Variants in ZFPM1 observed in about 807,000 individuals in gnomAD.
The protein encoded by ZFPM1 is zinc finger protein, FOG family member 1.
ZFPM1 carries 28 observed loss-of-function variants against 46.3 expected under a neutral mutation model. The observed-to-expected ratio is 0.60, with a 90% CI of 0.45 to 0.83. The LOEUF (loss-of-function observed/expected upper bound fraction) is 0.83, where lower values mean the gene tolerates loss of function less well. Ranked by LOEUF, ZFPM1 falls within the 40% of genes least tolerant of loss-of-function variation. The pLI is 0.00. For missense variants in ZFPM1, 1,878 were observed against 1,432.4 expected, an observed-to-expected ratio of 1.31 and a Z score of -5.02; for synonymous variants, 957 against 675.9, an observed-to-expected ratio of 1.42 and a Z score of -6.45.
At chr16:88,530,427 A>C (rs932673344) in intron 6 of ZFPM1, 1 of 152,216 alleles carries the variant, frequency 6.6e-6, no homozygotes, top group Non-Finnish European at 1.5e-5. Context: ...TGAGCCACAC[A>C]TCTTGTTGAC....
intron 1 of ZFPM1, among the ~76,000 whole-genome samples, chr16:88,465,478 G>GAGCACGGGGCCCTCCTCAC (rs1908092536): frequency 2.0e-5 from 3 of 152,262 alleles, no homozygotes; most frequent in Non-Finnish European, 2.9e-5. Flanking sequence ...AAATGAGTGG[G>GAGCACGGGGCCCTCCTCAC]AGCACGGGGC....
intron 3 of ZFPM1, chr16:88,513,346 T>C (rs1426604563): frequency 6.6e-6 from 1 of 152,290 alleles, no homozygotes; most frequent in Non-Finnish European, 1.5e-5. Flanking sequence ...TAGCAGGGCC[T>C]CCCGGCGTAT....
chr16:88,520,563 T>TGGACGGATGGGG (rs535763531), intron 4 of ZFPM1, among the ~76,000 whole-genome samples: 150 of 117,196 alleles, frequency 1.3e-3, no homozygotes, highest in African/African-American at 3.9e-3. Flanking sequence ...GATGGATGGA[T>TGGACGGATGGGG]GGATGGATGG....
At position 88,531,987 on chromosome 16, in the gene ZFPM1, CT is replaced by C; in HGVS notation, c.713-13del. The C allele has an allele frequency of 6.3e-7, 1 of 1,584,936 alleles. No individual in the cohort carries two copies. Reference sequence around the variant, plus strand: ...CTGGCCTTCAGCCTGACCCCGCCTGCTTCCCACCCCACAGAAGACGTCTTCC... The same window carrying C: ...CTGGCCTTCAGCCTGACCCCGCCTGCTCCCACCCCACAGAAGACGTCTTCC... On this transcript the variant is annotated splice_polypyrimidine_tract_variant and intron_variant, in intron 6 of 9. Coordinates refer to ENST00000319555, the MANE Select transcript of ZFPM1 (RefSeq NM_153813.3).
intron 1 of ZFPM1, among the ~76,000 whole-genome samples, chr16:88,474,472 C>T (rs997705322): frequency 1.3e-5 from 2 of 152,096 alleles, no homozygotes; most frequent in Non-Finnish European, 2.9e-5. Context: ...TGGCTTCTCA[C>T]GGTGCCCAGA....
At chr16:88,498,042 G>A (rs963122706) in intron 3 of ZFPM1, among the ~76,000 whole-genome samples, 8 of 152,120 alleles carry the variant, frequency 5.3e-5, no homozygotes, top group Admixed American at 2.0e-4. Flanking sequence ...TGCTGCCCCC[G>A]ATAGCACTAT....
intron 4 of ZFPM1, among the ~76,000 whole-genome samples, chr16:88,524,807 C>T (rs1333332321): frequency 6.6e-6 from 1 of 152,218 alleles, no homozygotes; most frequent in Non-Finnish European, 1.5e-5. Context: ...TCGGCCGCCC[C>T]TCTGTCCCCC....
chr16:88,524,615 C>G (rs888375763), intron 4 of ZFPM1, among the ~76,000 whole-genome samples: 1 of 152,256 alleles, frequency 6.6e-6, no homozygotes, highest in African/African-American at 2.4e-5. Context: ...AAGCAACAGC[C>G]AGGGCTGGAG....
chr16:88,482,829 C>T (rs924088260), intron 1 of ZFPM1, among the ~76,000 whole-genome samples: 81 of 152,292 alleles, frequency 5.3e-4, no homozygotes, highest in African/African-American at 1.9e-3. Flanking sequence ...GGGGAGGAGC[C>T]GGGCTGAGCT....
At chr16:88,461,343 G>T (rs1907882638) in intron 1 of ZFPM1, among the ~76,000 whole-genome samples, 1 of 152,068 alleles carries the variant, frequency 6.6e-6, no homozygotes, top group Non-Finnish European at 1.5e-5. Flanking sequence ...CACCGCAGGG[G>T]CTTTGCCCCG....
chr16:88,516,061 A>G, intron 4 of ZFPM1: 1 of 398,316 alleles, frequency 2.5e-6, no homozygotes, highest in Non-Finnish European at 4.4e-6. Context: ...GCCCATCCTC[A>G]CTTCCTCCTC....
At chr16:88,528,745 GT>G (rs34339698) in intron 6 of ZFPM1, among the ~76,000 whole-genome samples, 125,092 of 151,892 alleles carry the variant, frequency 0.82, 53,071 homozygotes, top group Non-Finnish European at 0.92. Flanking sequence ...GGTTTTTGTT[GT>G]TTTTTTTTCG....
Position 88,534,484 on chromosome 16 carries a change from T to A in ZFPM1, c.2526T>A (p.Ala842=), listed in dbSNP as rs1256626824. 13 of 1,477,086 alleles carry A rather than the reference T, an allele frequency of 8.8e-6. No individual in the cohort carries two copies. The Admixed American group carries it at 2.7e-4, about 31-fold the overall frequency. The allele number at this position is 1,477,086 out of a possible 1,614,324, so 91.5% of individuals were successfully genotyped here. The part of the protein sequence containing the change: ...YLAHKKYSCP[A]APPPGALGLP... Reference sequence around the variant, plus strand: ...CGCACAAGAAGTACTCGTGCCCCGCTGCGCCACCGCCCGGCGCGCTCGGCC... The same window carrying A: ...CGCACAAGAAGTACTCGTGCCCCGCAGCGCCACCGCCCGGCGCGCTCGGCC... The change falls in exon 10 of 10, where the codon GCT becomes GCA. Residue 842 remains alanine, a synonymous_variant. Transcript: ENST00000319555.
intron 3 of ZFPM1, among the ~76,000 whole-genome samples, chr16:88,500,938 T>C (rs553850482): frequency 2.6e-5 from 4 of 152,292 alleles, no homozygotes; most frequent in Admixed American, 6.5e-5. Flanking sequence ...GCCCTCCCTG[T>C]GGGGGTGCAG....
rs56021514 is a variant in ZFPM1 at position 88,508,109 on chromosome 16, C to T, written c.269-6278C>T. ...GTCAGGAGTTCAAGACACGCCTGGC[C>T]AACATGGCGAAACCCCTTCTTTACT... On this transcript the variant is annotated intron_variant, in intron 3 of 9. Coordinates refer to ENST00000319555, the MANE Select transcript of ZFPM1 (RefSeq NM_153813.3). Among the ~76,000 whole-genome samples the T allele has an allele frequency of 4.4e-3, 669 of 152,268 alleles. 2 individuals are homozygous for T. Among genetic ancestry groups the T allele is most frequent in the Non-Finnish European group, 7.7e-3 (527 of 68,016 alleles).
intron 3 of ZFPM1, among the ~76,000 whole-genome samples, chr16:88,509,425 G>A (rs1211066189): frequency 6.6e-6 from 1 of 152,254 alleles, no homozygotes; most frequent in African/African-American, 2.4e-5. Flanking sequence ...GCTGGACTTT[G>A]CACTCCCGAG....
intron 1 of ZFPM1, among the ~76,000 whole-genome samples, chr16:88,477,004 C>G (rs868641917): frequency 2.6e-5 from 4 of 152,272 alleles, no homozygotes; most frequent in South Asian, 4.1e-4. Flanking sequence ...TGCGCACGCC[C>G]GTGCGCCGGG....
intron 3 of ZFPM1, among the ~76,000 whole-genome samples, chr16:88,507,657 C>T (rs1433506244): frequency 1.3e-5 from 2 of 152,200 alleles, no homozygotes; most frequent in Non-Finnish European, 2.9e-5. Context: ...TGGGAGATGC[C>T]ATCCAGCTCC....
chr16:88,476,765 G>A (rs1007488797), intron 1 of ZFPM1, among the ~76,000 whole-genome samples: 3 of 152,184 alleles, frequency 2.0e-5, no homozygotes, highest in Non-Finnish European at 2.9e-5. Flanking sequence ...GGAGGGACTC[G>A]ACTTGAACAT....
Sources: allele counts gnomAD v4.1 joint callset (sites outside exome capture counted in the v4.1 genomes callset), GRCh38; gene constraint gnomAD v4.1.1; transcripts MANE v1.5; gene names NCBI Gene and HGNC (gene_info 2026-07-23, HGNC 2026-07-21).